CNIH3: variants seen among roughly 807,000 people sequenced by gnomAD.
CNIH3 encodes cornichon family AMPA receptor auxiliary protein 3, also known as protein cornichon homolog 3.
Under a neutral mutation model 24.1 loss-of-function variants are expected in CNIH3, and 14 were observed. The observed-to-expected ratio is 0.58, with a 90% CI of 0.38 to 0.91. CNIH3 has a LOEUF of 0.91. Ranked by LOEUF, CNIH3 falls within the 40% of genes least tolerant of loss-of-function variation. The probability of loss-of-function intolerance (pLI) is 0.00; values close to 1 mark genes in which losing one functional copy is unlikely to be tolerated. For synonymous variants in CNIH3, 68 were observed against 73.8 expected, an observed-to-expected ratio of 0.92 and a Z score of 0.40; for missense variants, 178 against 196.8, an observed-to-expected ratio of 0.90 and a Z score of 0.57.
intron 5 of CNIH3, 147 bp from the exon 6 acceptor site, chr1:224,739,182 G>T (rs757910608): frequency 7.1e-7 from 1 of 1,413,160 alleles, no homozygotes. Context: ...TGGAGTTGGC[G>T]AGATGCTGTA....
chr1:224,580,000 G>A (rs1681204035), intron 4 of CNIH3, among the ~76,000 whole-genome samples: 1 of 152,150 alleles, frequency 6.6e-6, no homozygotes, highest in Non-Finnish European at 1.5e-5. Flanking sequence ...TTGGTGGGGA[G>A]TGTCTCGAAA....
chr1:224,474,833 C>G (rs1436270280), intron 1 of CNIH3, among the ~76,000 whole-genome samples: 1 of 151,576 alleles, frequency 6.6e-6, no homozygotes, highest in Non-Finnish European at 1.5e-5. Context: ...CGAGACCATC[C>G]TGACTAACAC....
intron 2 of CNIH3, among the ~76,000 whole-genome samples, chr1:224,528,478 C>T (rs1209661731): frequency 1.3e-5 from 2 of 151,958 alleles, no homozygotes; most frequent in East Asian, 3.9e-4. Context: ...CATCACCACA[C>T]CTAGAAAATT....
At chr1:224,481,462 A>G (rs1327792919) in intron 1 of CNIH3, among the ~76,000 whole-genome samples, 3 of 152,190 alleles carry the variant, frequency 2.0e-5, no homozygotes, top group Admixed American at 6.5e-5. Flanking sequence ...CCATAGCTGC[A>G]TTAGGGGGTA....
At chr1:224,588,196 T>C (rs948865494) in intron 5 of CNIH3, among the ~76,000 whole-genome samples, 21 of 152,216 alleles carry the variant, frequency 1.4e-4, no homozygotes, top group Non-Finnish European at 2.8e-4. Context: ...GACATATATT[T>C]GGATATCTGT....
At chr1:224,502,779 A>C (rs781596382) in intron 1 of CNIH3, among the ~76,000 whole-genome samples, 21 of 152,184 alleles carry the variant, frequency 1.4e-4, no homozygotes, top group South Asian at 6.2e-4. Flanking sequence ...TGGCAAACAT[A>C]AAGGGAAGCT....
intron 1 of CNIH3, among the ~76,000 whole-genome samples, chr1:224,439,978 C>T (rs138580384): frequency 0.015 from 2,310 of 152,248 alleles, 36 homozygotes; most frequent in Middle Eastern, 0.058. Context: ...TTAGTAGAGG[C>T]GGGGTTTCAC....
chr1:224,496,901 G>C (rs922157727), intron 1 of CNIH3, among the ~76,000 whole-genome samples: 1 of 152,190 alleles, frequency 6.6e-6, no homozygotes, highest in African/African-American at 2.4e-5. Flanking sequence ...GAAAACATAT[G>C]TCCACACAAA....
At chr1:224,551,708 A>G (rs1679927681) in intron 3 of CNIH3, among the ~76,000 whole-genome samples, 1 of 151,946 alleles carries the variant, frequency 6.6e-6, no homozygotes, top group East Asian at 1.9e-4. Context: ...TGATATTAGG[A>G]GTAGTATATC....
chr1:224,562,025 A>AAAAG (rs371138415), intron 3 of CNIH3, among the ~76,000 whole-genome samples: 3,084 of 152,286 alleles, frequency 0.02, 106 homozygotes, highest in African/African-American at 0.07. Context: ...TCCAACATTG[A>AAAAG]GACTTGATCA....
chr1:224,574,840 G>T, intron 4 of CNIH3: 1 of 926,088 alleles, frequency 1.1e-6, no homozygotes, highest in Non-Finnish European at 1.8e-6. Flanking sequence ...GTGGTTCCCA[G>T]TAACAGTAAC....
intron 3 of CNIH3, among the ~76,000 whole-genome samples, chr1:224,694,221 T>A (rs1687061546): frequency 1.3e-5 from 2 of 152,220 alleles, no homozygotes; most frequent in South Asian, 4.1e-4. Flanking sequence ...TGCTATGTCC[T>A]GGCTGTGTGT....
intron 1 of CNIH3, among the ~76,000 whole-genome samples, chr1:224,659,197 G>A (rs1189108397): frequency 6.6e-6 from 1 of 152,178 alleles, no homozygotes; most frequent in African/African-American, 2.4e-5. Context: ...CCTCTCCTGG[G>A]TCTGAAGACA....
At chr1:224,614,975 A>ATAAATAAATAAG (rs1553275072), upstream of CNIH3, among the ~76,000 whole-genome samples, 4 of 136,726 alleles carry the variant, frequency 2.9e-5, no homozygotes, top group Non-Finnish European at 6.4e-5. Flanking sequence ...AAATAAATAA[A>ATAAATAAATAAG]TAAGTAAAAG....
intron 1 of CNIH3, among the ~76,000 whole-genome samples, chr1:224,519,732 G>A (rs2124911458): frequency 6.6e-6 from 1 of 150,636 alleles, no homozygotes; most frequent in East Asian, 1.9e-4. Flanking sequence ...TATGTGACAT[G>A]TATAGTTTAT....
intron 2 of CNIH3, among the ~76,000 whole-genome samples, chr1:224,533,076 C>G (rs1255718508): frequency 6.6e-6 from 1 of 152,058 alleles, no homozygotes; most frequent in African/African-American, 2.4e-5. Flanking sequence ...CTTCAAGGAA[C>G]AGAGAAACCT....
intron 1 of CNIH3, among the ~76,000 whole-genome samples, chr1:224,485,981 A>C (rs1440445907): frequency 6.6e-6 from 1 of 152,148 alleles, no homozygotes; most frequent in Non-Finnish European, 1.5e-5. Flanking sequence ...CTTGTCAGTC[A>C]TATGGAAGGG....
chr1:224,522,714 A>G (rs138558185), intron 2 of CNIH3, among the ~76,000 whole-genome samples: 29 of 152,324 alleles, frequency 1.9e-4, no homozygotes, highest in Non-Finnish European at 3.8e-4. Context: ...ATCCCACTAC[A>G]CATTCTAGGA....
intron 1 of CNIH3, among the ~76,000 whole-genome samples, chr1:224,654,226 T>C (rs948880479): frequency 6.6e-6 from 1 of 151,594 alleles, no homozygotes; most frequent in African/African-American, 2.4e-5. Flanking sequence ...CTACTAAAAA[T>C]ACAAAAATGA....
Sources: allele counts gnomAD v4.1 joint callset (sites outside exome capture counted in the v4.1 genomes callset), GRCh38; gene constraint gnomAD v4.1.1; transcripts MANE v1.5; gene names NCBI Gene and HGNC (gene_info 2026-07-23, HGNC 2026-07-21).